The following MDM1 variants were observed in gnomAD, a reference collection of about 807,000 sequenced individuals.
MDM1 encodes Mdm1 nuclear protein.
MDM1 carries 61 observed loss-of-function variants against 89.1 expected under a neutral mutation model. The ratio of observed to expected loss-of-function variants is 0.68; its 90% CI spans 0.56 to 0.85. The LOEUF (loss-of-function observed/expected upper bound fraction) is 0.85. Ranked by LOEUF, MDM1 falls within the 40% of genes least tolerant of loss-of-function variation. MDM1 has a pLI of 0.00. For missense variants in MDM1, 820 were observed against 846.5 expected, an observed-to-expected ratio of 0.97 and a Z score of 0.39; for synonymous variants, 290 against 294.1, an observed-to-expected ratio of 0.99 and a Z score of 0.14.
rs1355625554 is a variant in MDM1, at chr12:68,312,777, T to TTC, written c.1749+664_1749+665dup. ...ATTATCAACACTACTCTCCCTCTCA[T>TTC]TCTCTCTCTCTCTCTTCCAGCAACA... On this transcript the variant is annotated intron_variant, in intron 12 of 14. Coordinates refer to ENST00000682720, the MANE Select transcript of MDM1 (RefSeq NM_001354969.2). 1.6e-4 allele frequency among the ~76,000 whole-genome samples: 24 copies of TTC among 151,302 alleles called. No homozygotes were observed. The East Asian group carries it at 4.1e-3, about 26-fold the overall frequency.
At chr12:68,313,381 A>G (rs1433642685) in intron 12 of MDM1, 62 bp downstream of exon 12, 1 of 1,141,434 alleles carries the variant, frequency 8.8e-7, no homozygotes, top group East Asian at 2.3e-5. Context: ...TCATTCATTT[A>G]TTACATGTGT....
Position 68,307,613 on chromosome 12 carries a change from C to T in MDM1, c.1750-4741G>A, listed in dbSNP as rs182740616. Reference sequence around the variant, plus strand: ...CCGTGATTGCACCAATGCACTCTGGCCTGGGCAACACAGCAAGACCTTGTC... The same window carrying T: ...CCGTGATTGCACCAATGCACTCTGGTCTGGGCAACACAGCAAGACCTTGTC... On this transcript the variant is annotated intron_variant, in intron 12 of 14. Transcript: ENST00000682720. 2.8e-3 allele frequency among the ~76,000 whole-genome samples: 427 copies of T among 152,182 alleles called. 3 individuals are homozygous for T. The South Asian group carries it at 0.036, about 13-fold the overall frequency.
chr12:68,313,855 T>C, intron 10 of MDM1, 102 bp from the exon 11 acceptor site: 1 of 1,050,834 alleles, frequency 9.5e-7, no homozygotes, highest in South Asian at 1.5e-5. Flanking sequence ...ATAAAACTTG[T>C]AAGAGGCCAG....
At chr12:68,325,812 G>A (rs1875887071) in intron 3 of MDM1, 2 of 1,127,342 alleles carry the variant, frequency 1.8e-6, no homozygotes, top group East Asian at 9.8e-5. Flanking sequence ...AGGACTATTA[G>A]GCATCCCAGG....
chr12:68,302,611 A>C lies in MDM1; in HGVS notation c.2002+9T>G. ...TTAAAAGACAAAAAATTAAAACCAA[A>C]ATAATTACCATTGTGCTGAAACTCT... On this transcript the variant is annotated intron_variant, in intron 13 of 14. Coordinates refer to ENST00000682720, the MANE Select transcript of MDM1 (RefSeq NM_001354969.2). The C allele has an allele frequency of 1.3e-6, 2 of 1,599,254 alleles. No homozygotes were observed. Among genetic ancestry groups the C allele is most frequent in the South Asian group, 1.1e-5 (1 of 89,308 alleles).
chr12:68,308,637 T>A (rs1873253517), intron 12 of MDM1, among the ~76,000 whole-genome samples: 1 of 152,228 alleles, frequency 6.6e-6, no homozygotes, highest in Non-Finnish European at 1.5e-5. Flanking sequence ...TAAAAAATTG[T>A]CTATTCCTCC....
intron 7 of MDM1, 46 bp from the exon 8 acceptor site, chr12:68,316,656 T>C (rs1352309615): frequency 7.3e-7 from 1 of 1,371,916 alleles, no homozygotes; most frequent in Non-Finnish European, 1.0e-6. Flanking sequence ...GTTAATGCCA[T>C]AATTGAATAT....
At chr12:68,302,978 A>C in intron 12 of MDM1, 106 bp from the exon 13 acceptor site, 1 of 1,029,196 alleles carries the variant, frequency 9.7e-7, no homozygotes, top group Non-Finnish European at 1.3e-6. Flanking sequence ...GCAGAAGGAG[A>C]AATATGAGAG....
At chr12:68,311,416 T>G (rs978972020) in intron 12 of MDM1, among the ~76,000 whole-genome samples, 13 of 152,170 alleles carry the variant, frequency 8.5e-5, no homozygotes, top group African/African-American at 3.1e-4. Flanking sequence ...AGCCTTATTC[T>G]CAGTAAGGAT....
At chr12:68,317,241 C>CT (rs1454760579) in intron 7 of MDM1, among the ~76,000 whole-genome samples, 1 of 152,118 alleles carries the variant, frequency 6.6e-6, no homozygotes, top group Non-Finnish European at 1.5e-5. Context: ...ATACATCATA[C>CT]TGCCACCTGC....
At position 68,316,031 on chromosome 12, in the gene MDM1, C is replaced by T. The variant is rs775720764; in HGVS notation, c.1211+47G>A. ...TTTTCCTATATCATTCTATGATCTA[C>T]ATAAGCTTCAACAAACTTTTTTTGC... is the stretch of plus-strand genomic sequence containing the variant. On this transcript the variant is annotated intron_variant, in intron 9 of 14. Transcript: ENST00000682720. 4 of 1,531,258 alleles carry T rather than the reference C, an allele frequency of 2.6e-6. No individual in the cohort carries two copies. In the African/African-American group the frequency reaches 4.1e-5, roughly 16 times the overall value. 94.9% of individuals were successfully genotyped at this position (1,531,258 alleles called of 1,614,324 possible).
Position 68,315,062 on chromosome 12 carries a change from T to C in MDM1, c.1415A>G (p.Glu472Gly). The C allele has an allele frequency of 6.2e-7, 1 of 1,614,150 alleles. No individual in the cohort carries two copies. The highest frequency in any genetic ancestry group is 8.5e-7 in the Non-Finnish European group (1 of 1,180,024). The change falls in exon 10 of 15, where the codon GAG becomes GGG. Residue 472 changes from glutamate (E) to glycine (G), a missense_variant. Transcript: ENST00000682720. Reference sequence around the variant, plus strand: ...CCCTTCCTCTTCATTGTCGTCCTCCTCCTCTTTCTCCCCGGGCTGTTTCTG... The same window carrying C: ...CCCTTCCTCTTCATTGTCGTCCTCCCCCTCTTTCTCCCCGGGCTGTTTCTG... ...DVQKQPGEKE[E>G]EDDNEEEGDR... is the part of the protein sequence containing the mutation.
chr12:68,302,968 G>T, intron 12 of MDM1, 96 bp from the exon 13 acceptor site: 1 of 1,133,156 alleles, frequency 8.8e-7, no homozygotes, highest in Non-Finnish European at 1.2e-6. Context: ...TAACCAAAAA[G>T]CAGAAGGAGA....
intron 3 of MDM1, 145 bp from the exon 4 acceptor site, chr12:68,325,720 A>C (rs912001453): frequency 7.6e-7 from 1 of 1,307,192 alleles, no homozygotes; most frequent in East Asian, 2.8e-5. Context: ...CTACATGCGC[A>C]TTGTGGTACA....
At chr12:68,326,109 T>C (rs1201735120) in intron 3 of MDM1, 9 of 1,006,388 alleles carry the variant, frequency 8.9e-6, no homozygotes, top group South Asian at 4.3e-5. Flanking sequence ...GTGGAAAGCA[T>C]TGAGATCCCC....
At chr12:68,313,408 T>C (rs1873972571) in intron 12 of MDM1, 35 bp downstream of exon 12, 1 of 1,404,620 alleles carries the variant, frequency 7.1e-7, no homozygotes, top group African/African-American at 1.4e-5. Context: ...TAATTAGTCC[T>C]AGATGAGATG....
Position 68,315,138 on chromosome 12 carries a change from G to A in MDM1, c.1339C>T (p.Pro447Ser). The A allele has an allele frequency of 6.2e-7, 1 of 1,614,100 alleles. No homozygotes were observed. Reference sequence around the variant, plus strand: ...TCCCAAGCCAGCCGCCTTCTAACGGGTATGGTGGGAGCTGACACACCCAAT... The same window carrying A: ...TCCCAAGCCAGCCGCCTTCTAACGGATATGGTGGGAGCTGACACACCCAAT... The part of the protein sequence containing the change: ...EKLGVSAPTI[P>S]VRRRLAWDTE... Residue 447 changes from proline (P) to serine (S), a missense_variant, in exon 10 of 15, where the codon CCC becomes TCC. Transcript: ENST00000682720.
At chr12:68,297,266 C>T (rs1871532339) in intron 13 of MDM1, among the ~76,000 whole-genome samples, 1 of 152,212 alleles carries the variant, frequency 6.6e-6, no homozygotes, top group Non-Finnish European at 1.5e-5. Context: ...TAATATTGAT[C>T]TATTCTAACT....
chr12:68,326,289 G>A, intron 3 of MDM1: 2 of 1,261,176 alleles, frequency 1.6e-6, no homozygotes, highest in Non-Finnish European at 2.0e-6. Flanking sequence ...ATAAGAAACT[G>A]AAAAGGGGCT....
Sources: gnomAD v4.1 joint callset for allele counts (sites outside exome capture counted in the v4.1 genomes callset) on GRCh38, gnomAD v4.1.1 for gene constraint, MANE v1.5 for transcripts, NCBI Gene and HGNC (gene_info 2026-07-23, HGNC 2026-07-21) for gene names.